The following CCDC77 variants were observed in gnomAD, a reference collection of about 807,000 sequenced individuals.
CCDC77 encodes the protein coiled-coil domain containing 77.
CCDC77 carries 56 observed loss-of-function variants against 66.8 expected under a neutral mutation model. That is an observed-to-expected ratio of 0.84 (90% CI 0.68 to 1.05). The LOEUF is 1.05. CCDC77 is among the 50% of genes least tolerant of loss of function. The probability of loss-of-function intolerance (pLI) is 0.00; values close to 1 mark genes in which losing one functional copy is unlikely to be tolerated. For synonymous variants in CCDC77, 196 were observed against 195.2 expected, an observed-to-expected ratio of 1.00 and a Z score of -0.03; for missense variants, 570 against 576.8, an observed-to-expected ratio of 0.99 and a Z score of 0.12.
chr12:419,463 T>C (rs12307394), intron 5 of CCDC77, among the ~76,000 whole-genome samples: 5,642 of 107,720 alleles, frequency 0.052, 216 homozygotes, highest in African/African-American at 0.17. Flanking sequence ...GAGGGTAAAA[T>C]ACACATAGCA....
intron 6 of CCDC77, among the ~76,000 whole-genome samples, chr12:429,521 G>A (rs968704776): frequency 1.3e-5 from 2 of 150,000 alleles, no homozygotes; most frequent in Non-Finnish European, 2.9e-5. Context: ...AGTGCAATGC[G>A]CAATCTCGGC....
chr12:396,487 G>A (rs887283603), intron 1 of CCDC77, among the ~76,000 whole-genome samples: 9 of 152,184 alleles, frequency 5.9e-5, no homozygotes, highest in African/African-American at 1.9e-4. Flanking sequence ...TGAAGTATAC[G>A]GGAGGGTGTG....
intron 2 of CCDC77, among the ~76,000 whole-genome samples, chr12:408,131 T>G (rs1482407126): frequency 6.6e-6 from 1 of 152,102 alleles, no homozygotes; most frequent in Non-Finnish European, 1.5e-5. Context: ...TAGAAGGACA[T>G]AACAGAACAT....
intron 2 of CCDC77, among the ~76,000 whole-genome samples, chr12:407,734 T>G (rs578136010): frequency 6.6e-6 from 1 of 151,972 alleles, no homozygotes; most frequent in South Asian, 2.1e-4. Context: ...CAGTGGTGAT[T>G]ATCTCTTTTC....
intron 9 of CCDC77, among the ~76,000 whole-genome samples, chr12:437,233 G>T (rs1474688360): frequency 6.6e-6 from 1 of 152,132 alleles, no homozygotes; most frequent in Admixed American, 6.6e-5. Context: ...CAGGGATATT[G>T]TTTTTTAAAG....
At chr12:422,605 T>TAA (rs1945424561) in intron 5 of CCDC77, among the ~76,000 whole-genome samples, 1 of 152,264 alleles carries the variant, frequency 6.6e-6, no homozygotes, top group Non-Finnish European at 1.5e-5. Flanking sequence ...ATTTTCTTCC[T>TAA]TTTTAAGACT....
chr12:438,610 T>G (rs1945798890), intron 10 of CCDC77, 56 bp downstream of exon 10: 28 of 1,241,222 alleles, frequency 2.3e-5, no homozygotes, highest in Non-Finnish European at 2.9e-5. Flanking sequence ...GTTGAAGGAA[T>G]TCCAAAGAAC....
At chr12:432,696 G>C (rs567777609) in intron 8 of CCDC77, among the ~76,000 whole-genome samples, 3 of 152,198 alleles carry the variant, frequency 2.0e-5, no homozygotes, top group Admixed American at 2.0e-4. Context: ...GCTGGGTTTC[G>C]TTTGGACAAA....
At position 411,830 on chromosome 12, in the gene CCDC77, C is replaced by T. The variant is rs1321775358; in HGVS notation, c.122C>T (p.Pro41Leu). ...ATGGCAGATTCACTGGAGTCAACCC[C>T]CTTGCCTTCCCCCGAAGATCGTCTG... ...RGMADSLEST[P>L]LPSPEDRLAK... is the part of the protein sequence containing the mutation. Residue 41 changes from proline (P) to leucine (L), a missense_variant, in exon 4 of 13, where the codon CCC (proline) becomes CTC (leucine). By Grantham distance (98) the Pro-to-Leu change is moderately conservative. Transcript: ENST00000239830. 1.5e-5 allele frequency: 24 copies of T among 1,614,060 alleles called. No individual in the cohort carries two copies. Among genetic ancestry groups the T allele is most frequent in the Non-Finnish European group, 2.0e-5 (24 of 1,180,016 alleles).
Position 441,992 on chromosome 12 carries a change from T to C in CCDC77, c.*72T>C. The C allele has an allele frequency of 6.6e-7, 1 of 1,519,784 alleles. No homozygotes were observed. The highest frequency in any genetic ancestry group is 9.1e-7 in the Non-Finnish European group (1 of 1,102,796). 94.1% of individuals were successfully genotyped at this position (1,519,784 alleles called of 1,614,324 possible). On this transcript the variant is annotated 3_prime_UTR_variant, in exon 13 of 13. Transcript: ENST00000239830. ...GAAACCTGAGGACAAGGTCATCTGC[T>C]GCCAGAAAATGTAAACCTGAGTTGA...
chr12:433,134 A>C, intron 8 of CCDC77, 40 bp from the exon 9 acceptor site: 1 of 1,578,148 alleles, frequency 6.3e-7, no homozygotes, highest in Non-Finnish European at 8.6e-7. Context: ...AAGTAAGTGG[A>C]AGTAGGGCTG....
intron 9 of CCDC77, among the ~76,000 whole-genome samples, chr12:434,662 C>T (rs529137973): frequency 2.6e-5 from 4 of 152,282 alleles, no homozygotes; most frequent in African/African-American, 9.6e-5. Context: ...TACCTCTTAA[C>T]TTCTGAGACC....
chr12:419,500 A>G (rs10774177), intron 5 of CCDC77, among the ~76,000 whole-genome samples: 19 of 30,640 alleles, frequency 6.2e-4, no homozygotes, highest in Middle Eastern at 0.015. Context: ...ATTACAGTGC[A>G]CTTCTGTGTG....
intron 5 of CCDC77, among the ~76,000 whole-genome samples, chr12:423,189 T>C (rs4980901): frequency 0.34 from 47,596 of 139,162 alleles, 9,062 homozygotes; most frequent in East Asian, 0.63. Flanking sequence ...GGCATGATCT[T>C]GCCTCACTGC....
rs1343423336 is a variant in CCDC77 at position 403,616 on chromosome 12, C to T, written c.-70-1895C>T. Among the ~76,000 whole-genome samples, 3 of 152,340 alleles carry T rather than the reference C, an allele frequency of 2.0e-5. No individual in the cohort carries two copies. In the East Asian group the frequency reaches 5.8e-4, roughly 29 times the overall value. On this transcript the variant is annotated intron_variant, in intron 1 of 12. Transcript: ENST00000239830. ...TCAAGCAATCCTCTGCCTCAGCCTC[C>T]TGAATAGCTGGGACTACAGGCACGT...
rs1944899721 is a variant in CCDC77, at chr12:401,703, G to C, written c.-71+19G>C. 6.6e-6 allele frequency: 1 copy of C among 152,336 alleles called. No homozygotes were observed. The highest frequency in any genetic ancestry group is 2.1e-4 in the South Asian group (1 of 4,836). 9.4% of individuals were successfully genotyped at this position (152,336 alleles called of 1,614,324 possible). On this transcript the variant is annotated intron_variant, in intron 1 of 12. Coordinates refer to ENST00000239830, the MANE Select transcript of CCDC77 (RefSeq NM_032358.4). ...GTGTGTCGTGAGTATAGAGTTTCGGGTTTGGGGTGAAGGGGTTAGGTAAGA... is the reference window on the plus strand; with the variant it reads ...GTGTGTCGTGAGTATAGAGTTTCGGCTTTGGGGTGAAGGGGTTAGGTAAGA...
At chr12:405,405 TTGAA>T (rs774296353) in intron 1 of CCDC77, 102 bp from the exon 2 acceptor site, 16 of 152,250 alleles carry the variant, frequency 1.1e-4, no homozygotes, top group Non-Finnish European at 1.9e-4. Flanking sequence ...AATTTACACT[TTGAA>T]TGAGTTTAAT....
At chr12:432,365 A>T (rs1182524073) in intron 8 of CCDC77, among the ~76,000 whole-genome samples, 1 of 152,088 alleles carries the variant, frequency 6.6e-6, no homozygotes, top group Non-Finnish European at 1.5e-5. Context: ...CCTCCTGGTT[A>T]TGTGTCATTT....
At chr12:431,271 T>C (rs1352928258) in intron 7 of CCDC77, among the ~76,000 whole-genome samples, 1 of 148,324 alleles carries the variant, frequency 6.7e-6, no homozygotes, top group Non-Finnish European at 1.5e-5. Flanking sequence ...CAGGCTGGAG[T>C]GCAATGGCGC....
Sources: gnomAD v4.1 joint callset for allele counts (sites outside exome capture counted in the v4.1 genomes callset) on GRCh38, gnomAD v4.1.1 for gene constraint, MANE v1.5 for transcripts, NCBI Gene and HGNC (gene_info 2026-07-23, HGNC 2026-07-21) for gene names.